CDKAL1: variants seen among roughly 807,000 people sequenced by gnomAD.
CDKAL1 encodes threonylcarbamoyladenosine tRNA methylthiotransferase.
CDKAL1 carries 32 observed loss-of-function variants against 68.2 expected under a neutral mutation model. The ratio of observed to expected loss-of-function variants is 0.47; its 90% confidence interval spans 0.35 to 0.63. The LOEUF (loss-of-function observed/expected upper bound fraction) is 0.63, where lower values mean the gene tolerates loss of function less well. Ranked by LOEUF, CDKAL1 falls within the 30% of genes least tolerant of loss-of-function variation. CDKAL1 has a pLI of 0.00. For missense variants in CDKAL1, 606 were observed against 696.7 expected (o/e 0.87, Z 1.47); for synonymous variants, 234 against 244.3 (o/e 0.96, Z 0.39).
intron 4 of CDKAL1, among the ~76,000 whole-genome samples, chr6:20,623,545 T>C (rs1430757994): frequency 6.6e-6 from 1 of 152,080 alleles, no homozygotes; most frequent in East Asian, 1.9e-4. Flanking sequence ...TAAAATCTTA[T>C]TGCTATAGTT....
At chr6:20,578,699 ATTGT>A (rs531613520) in intron 4 of CDKAL1, among the ~76,000 whole-genome samples, 367 of 152,052 alleles carry the variant, frequency 2.4e-3, no homozygotes, top group African/African-American at 8.2e-3. Flanking sequence ...GTGTTTTGTG[ATTGT>A]TTGTTTAGTT....
chr6:20,896,300 G>A (rs1433215900), intron 9 of CDKAL1, among the ~76,000 whole-genome samples: 11 of 151,964 alleles, frequency 7.2e-5, no homozygotes, highest in South Asian at 2.1e-4. Flanking sequence ...GGGTTTCACC[G>A]TGTTGGCCAA....
chr6:21,220,494 A>G (rs1280099256), intron 15 of CDKAL1, among the ~76,000 whole-genome samples: 1 of 152,172 alleles, frequency 6.6e-6, no homozygotes, highest in East Asian at 1.9e-4. Context: ...GGCAGGGCTT[A>G]CTTTGTGGAA....
At chr6:20,880,185 G>C (rs1467379211) in intron 9 of CDKAL1, among the ~76,000 whole-genome samples, 1 of 152,190 alleles carries the variant, frequency 6.6e-6, no homozygotes, top group Non-Finnish European at 1.5e-5. Context: ...CTTAGAGTGG[G>C]AATGCGAGAT....
intron 13 of CDKAL1, among the ~76,000 whole-genome samples, chr6:21,189,548 G>A (rs1778152991): frequency 1.3e-5 from 2 of 152,058 alleles, no homozygotes; most frequent in African/African-American, 4.8e-5. Context: ...CCAGTCTAGC[G>A]CTTTGAGAAT....
intron 12 of CDKAL1, among the ~76,000 whole-genome samples, chr6:21,105,184 T>C (rs995158804): frequency 1.7e-4 from 26 of 152,162 alleles, no homozygotes; most frequent in African/African-American, 5.6e-4. Flanking sequence ...CTAATGAAAT[T>C]TTGATGGGCA....
At chr6:20,816,710 G>T (rs1338623346) in intron 8 of CDKAL1, among the ~76,000 whole-genome samples, 1 of 151,910 alleles carries the variant, frequency 6.6e-6, no homozygotes, top group Admixed American at 6.6e-5. Context: ...AAAAAAAATA[G>T]TGGCATGAGT....
intron 9 of CDKAL1, among the ~76,000 whole-genome samples, chr6:20,868,333 A>G (rs900266388): frequency 6.6e-6 from 1 of 152,232 alleles, no homozygotes; most frequent in Non-Finnish European, 1.5e-5. Flanking sequence ...TTCTGCAGTT[A>G]TAGACCCTTA....
chr6:21,227,169 G>T (rs1261764297), intron 15 of CDKAL1, among the ~76,000 whole-genome samples: 2 of 152,226 alleles, frequency 1.3e-5, no homozygotes, highest in Non-Finnish European at 2.9e-5. Context: ...CGCTTGTCGT[G>T]TGTGTGTCGA....
At chr6:20,938,334 C>T (rs1763819260) in intron 9 of CDKAL1, among the ~76,000 whole-genome samples, 1 of 152,078 alleles carries the variant, frequency 6.6e-6, no homozygotes, top group African/African-American at 2.4e-5. Context: ...CCTGGAATCA[C>T]CCATTTCTCT....
chr6:20,928,733 A>G (rs1360206915), intron 9 of CDKAL1, among the ~76,000 whole-genome samples: 1 of 108,300 alleles, frequency 9.2e-6, no homozygotes, highest in East Asian at 2.6e-4. Context: ...GGATCTTGCT[A>G]TGTTGCCCAG....
chr6:21,177,029 C>A (rs1386152413), intron 13 of CDKAL1, among the ~76,000 whole-genome samples: 1 of 152,062 alleles, frequency 6.6e-6, no homozygotes, highest in South Asian at 2.1e-4. Flanking sequence ...ATCCTCACAG[C>A]CCCCTAACTG....
chr6:20,917,685 T>C (rs973944711), intron 9 of CDKAL1, among the ~76,000 whole-genome samples: 25 of 152,188 alleles, frequency 1.6e-4, no homozygotes, highest in African/African-American at 6.0e-4. Flanking sequence ...CAAAGTCCAT[T>C]GTATCATTCT....
intron 4 of CDKAL1, among the ~76,000 whole-genome samples, chr6:20,585,376 A>G (rs1200945961): frequency 4.6e-5 from 7 of 152,104 alleles, no homozygotes; most frequent in Non-Finnish European, 5.9e-5. Context: ...TTGACACCAC[A>G]TTCTTACTCT....
At chr6:20,546,909 A>G (rs916111714) in intron 3 of CDKAL1, among the ~76,000 whole-genome samples, 5 of 152,178 alleles carry the variant, frequency 3.3e-5, no homozygotes, top group Admixed American at 1.3e-4. Flanking sequence ...TCTGTGTGAT[A>G]TATATAATGT....
At chr6:20,695,050 C>T (rs1410634640) in intron 5 of CDKAL1, among the ~76,000 whole-genome samples, 2 of 152,168 alleles carry the variant, frequency 1.3e-5, no homozygotes, top group Non-Finnish European at 2.9e-5. Context: ...TTATAAACTA[C>T]CCACATTCAA....
intron 9 of CDKAL1, among the ~76,000 whole-genome samples, chr6:20,856,977 C>T (rs1231356817): frequency 6.6e-6 from 1 of 152,128 alleles, no homozygotes; most frequent in African/African-American, 2.4e-5. Context: ...TAAATTTCTT[C>T]TCCTGCTTGT....
chr6:20,672,871 G>T (rs1284814271), intron 5 of CDKAL1, among the ~76,000 whole-genome samples: 1 of 151,870 alleles, frequency 6.6e-6, no homozygotes, highest in Non-Finnish European at 1.5e-5. Flanking sequence ...CTGCCCCCCG[G>T]GTTCAAGTGA....
At chr6:20,571,265 A>G (rs1764689326) in intron 4 of CDKAL1, among the ~76,000 whole-genome samples, 1 of 152,210 alleles carries the variant, frequency 6.6e-6, no homozygotes, top group Non-Finnish European at 1.5e-5. Flanking sequence ...TTATTCATAT[A>G]TAAAATAAGC....
Sources: gnomAD v4.1 joint callset for allele counts (sites outside exome capture counted in the v4.1 genomes callset) on GRCh38, gnomAD v4.1.1 for gene constraint, MANE v1.5 for transcripts, NCBI Gene and HGNC (gene_info 2026-07-23, HGNC 2026-07-21) for gene names.